The following CTNNA3 variants were observed in gnomAD, a reference collection of about 807,000 sequenced individuals.
CTNNA3 encodes the protein catenin alpha 3, also known as catenin alpha-3.
In CTNNA3, 76 loss-of-function variants were observed where a neutral mutation model predicts 95.7. That is an observed-to-expected ratio of 0.79 (90% CI 0.66 to 0.96). CTNNA3 has a LOEUF of 0.96. CTNNA3 is among the 40% of genes least tolerant of loss of function. The probability of loss-of-function intolerance (pLI) is 0.00; values close to 1 mark genes in which losing one functional copy is unlikely to be tolerated. For missense variants in CTNNA3, 1,191 were observed against 1,089.8 expected (o/e 1.09, Z -1.31); for synonymous variants, 431 against 374.4 (o/e 1.15, Z -1.74).
intron 5 of CTNNA3, among the ~76,000 whole-genome samples, chr10:67,513,745 G>A (rs1178741269): frequency 3.9e-5 from 6 of 152,146 alleles, no homozygotes; most frequent in African/African-American, 1.4e-4. Context: ...TCCTGGCTTT[G>A]TTTTAACATT....
intron 1 of CTNNA3, among the ~76,000 whole-genome samples, chr10:67,759,077 CCA>C (rs1201545104): frequency 1.3e-5 from 2 of 152,216 alleles, no homozygotes; most frequent in East Asian, 3.9e-4. Flanking sequence ...TGTATAAGTA[CCA>C]CAGTGACTAA....
chr10:66,452,843 T>C (rs1323406668), intron 11 of CTNNA3, among the ~76,000 whole-genome samples: 1 of 152,070 alleles, frequency 6.6e-6, no homozygotes, highest in Non-Finnish European at 1.5e-5. Flanking sequence ...AAGCTTTGAC[T>C]GCCTATAATT....
At chr10:66,116,631 T>C (rs1389302579) in intron 13 of CTNNA3, among the ~76,000 whole-genome samples, 1 of 152,126 alleles carries the variant, frequency 6.6e-6, no homozygotes, top group Non-Finnish European at 1.5e-5. Context: ...TAAAAACACA[T>C]ACTGTATGTA....
intron 7 of CTNNA3, among the ~76,000 whole-genome samples, chr10:66,854,330 A>C (rs1465023101): frequency 6.6e-6 from 1 of 152,010 alleles, no homozygotes; most frequent in Admixed American, 6.6e-5. Context: ...CATTCACTGC[A>C]TACTATTCCT....
chr10:67,600,232 C>A (rs1011040650), intron 3 of CTNNA3, among the ~76,000 whole-genome samples: 2 of 151,790 alleles, frequency 1.3e-5, no homozygotes, highest in African/African-American at 4.8e-5. Context: ...AAATTTATTC[C>A]CAGGTAGATT....
chr10:67,752,256 G>A (rs927154593), intron 1 of CTNNA3, among the ~76,000 whole-genome samples: 5 of 152,108 alleles, frequency 3.3e-5, no homozygotes, highest in Admixed American at 6.6e-5. Flanking sequence ...AGAAAAGGCC[G>A]TTGATAAAAT....
At chr10:66,001,900 T>C (rs932987940) in intron 15 of CTNNA3, among the ~76,000 whole-genome samples, 2 of 152,114 alleles carry the variant, frequency 1.3e-5, no homozygotes, top group Admixed American at 6.5e-5. Context: ...TATATTCTTT[T>C]AGTGAGAAAA....
At chr10:67,108,396 C>T (rs1279325394) in intron 7 of CTNNA3, among the ~76,000 whole-genome samples, 1 of 151,908 alleles carries the variant, frequency 6.6e-6, no homozygotes, top group Non-Finnish European at 1.5e-5. Context: ...TTTTCATTCA[C>T]GGGTATTTGT....
intron 15 of CTNNA3, among the ~76,000 whole-genome samples, chr10:66,005,527 A>C (rs2133375917): frequency 6.6e-6 from 1 of 152,198 alleles, no homozygotes; most frequent in Admixed American, 6.5e-5. Context: ...ATTCATATCG[A>C]AGGTGGGTGG....
chr10:67,142,985 G>A (rs892293734), intron 7 of CTNNA3, among the ~76,000 whole-genome samples: 2 of 152,122 alleles, frequency 1.3e-5, no homozygotes, highest in Non-Finnish European at 2.9e-5. Flanking sequence ...AGCCTTTAGT[G>A]AGTTGAAATC....
At chr10:66,224,913 A>G (rs2089187157) in intron 13 of CTNNA3, among the ~76,000 whole-genome samples, 2 of 152,094 alleles carry the variant, frequency 1.3e-5, no homozygotes, top group Non-Finnish European at 1.5e-5. Context: ...TTTTTAATTG[A>G]CACATAATAA....
At chr10:66,073,282 CA>C (rs2080479086) in intron 14 of CTNNA3, among the ~76,000 whole-genome samples, 1 of 152,118 alleles carries the variant, frequency 6.6e-6, no homozygotes, top group South Asian at 2.1e-4. Context: ...GTTCTCACCA[CA>C]AAGATGATAA....
intron 10 of CTNNA3, among the ~76,000 whole-genome samples, chr10:66,617,252 G>T (rs139098692): frequency 6.3e-4 from 96 of 152,076 alleles, no homozygotes; most frequent in African/African-American, 2.2e-3. Context: ...GATTTAGGGA[G>T]AAGGGAGATT....
chr10:67,623,317 G>A (rs1390796953), intron 2 of CTNNA3, among the ~76,000 whole-genome samples: 1 of 152,194 alleles, frequency 6.6e-6, no homozygotes, highest in Non-Finnish European at 1.5e-5. Context: ...CTACCTGAAA[G>A]CCAATCAAAT....
chr10:65,964,983 T>A (rs2077926302), intron 17 of CTNNA3, among the ~76,000 whole-genome samples: 1 of 152,200 alleles, frequency 6.6e-6, no homozygotes, highest in African/African-American at 2.4e-5. Context: ...GCATGGCTTG[T>A]GACTAAACAA....
chr10:67,547,066 C>T (rs913544622), intron 3 of CTNNA3, among the ~76,000 whole-genome samples: 3 of 152,182 alleles, frequency 2.0e-5, no homozygotes, highest in African/African-American at 4.8e-5. Context: ...TATACAACAA[C>T]GATTATAACA....
intron 9 of CTNNA3, among the ~76,000 whole-genome samples, chr10:66,698,572 T>C (rs993983711): frequency 6.6e-6 from 1 of 152,170 alleles, no homozygotes; most frequent in Non-Finnish European, 1.5e-5. Flanking sequence ...GTAACACAAG[T>C]GTATCACACT....
chr10:66,794,171 AT>A (rs1841096645), intron 7 of CTNNA3, among the ~76,000 whole-genome samples: 1 of 139,984 alleles, frequency 7.1e-6, no homozygotes, highest in Non-Finnish European at 1.5e-5. Context: ...CAAAATGTAA[AT>A]AAGCCCCACA....
At chr10:67,057,935 C>G (rs1291460539) in intron 7 of CTNNA3, among the ~76,000 whole-genome samples, 1 of 152,174 alleles carries the variant, frequency 6.6e-6, no homozygotes, top group Non-Finnish European at 1.5e-5. Context: ...TCAAGGATAT[C>G]ACTTTGCAGA....
Sources: allele counts gnomAD v4.1 joint callset (sites outside exome capture counted in the v4.1 genomes callset), GRCh38; gene constraint gnomAD v4.1.1; transcripts MANE v1.5; gene names NCBI Gene and HGNC (gene_info 2026-07-23, HGNC 2026-07-21).